The following TRPM7 variants were observed in gnomAD, a reference collection of about 807,000 sequenced individuals.
TRPM7 encodes LTRPC ion channel family member 7.
TRPM7 carries 134 observed loss-of-function variants against 229.7 expected under a neutral mutation model. The ratio of observed to expected loss-of-function variants is 0.58; its 90% CI spans 0.51 to 0.67. TRPM7 has a LOEUF of 0.67. Ranked by LOEUF, TRPM7 falls within the 30% of genes least tolerant of loss-of-function variation. The pLI is 0.00. For synonymous variants in TRPM7, 699 were observed against 715.2 expected (o/e 0.98, Z 0.36); for missense variants, 1,901 against 2,210.0 (o/e 0.86, Z 2.80).
At chr15:50,645,294 G>A (rs1006908840) in intron 4 of TRPM7, among the ~76,000 whole-genome samples, 3 of 151,792 alleles carry the variant, frequency 2.0e-5, no homozygotes, top group African/African-American at 2.4e-5. Flanking sequence ...TGCCTGCCTC[G>A]GCCTCCCAAA....
At chr15:50,580,010 G>A (rs921089485) in intron 30 of TRPM7, among the ~76,000 whole-genome samples, 2 of 152,276 alleles carry the variant, frequency 1.3e-5, no homozygotes, top group East Asian at 3.9e-4. Flanking sequence ...CTGGGCTCAA[G>A]CGATCCACCC....
At chr15:50,635,387 AAAG>A (rs1053136406) in intron 7 of TRPM7, among the ~76,000 whole-genome samples, 2 of 149,942 alleles carry the variant, frequency 1.3e-5, no homozygotes, top group Non-Finnish European at 3.0e-5. Context: ...AAAAAAGAAA[AAAG>A]AAATGGCTCA....
chr15:50,666,884 A>T (rs1411604836), intron 1 of TRPM7, among the ~76,000 whole-genome samples: 1 of 152,232 alleles, frequency 6.6e-6, no homozygotes, highest in Admixed American at 6.6e-5. Context: ...AAGATAAAGA[A>T]GAAAATAACA....
Position 50,607,292 on chromosome 15 carries a change from C to T in TRPM7, c.2617G>A (p.Val873Met), listed in dbSNP as rs755181146. The T allele has an allele frequency of 6.2e-6, 10 of 1,604,422 alleles. No homozygotes were observed. In the East Asian group the frequency reaches 2.0e-4, roughly 32 times the overall value. ...AACTGTTCCATTTGTACAAGAACCA[C>T]AAATGTATAAAGCATCAGAAATCCT... is the stretch of plus-strand genomic sequence containing the variant. Reference protein sequence around the residue: ...YLGFLMLYTFVVLVQMEQLPS... With the variant: ...YLGFLMLYTFMVLVQMEQLPS... The change falls in exon 20 of 39, where the codon GTG becomes ATG. Residue 873 changes from valine to methionine, a missense_variant. Physicochemically the swap from Val to Met is conservative, Grantham distance 21 (BLOSUM62 1). Around this residue, in one of 8 missense-constraint regions of TRPM7, gnomAD observed 207 missense variants for 241.5 expected, o/e 0.86. Coordinates refer to ENST00000646667, the MANE Select transcript of TRPM7 (RefSeq NM_017672.6).
chr15:50,647,291 C>G (rs187075187), intron 4 of TRPM7, among the ~76,000 whole-genome samples: 1 of 152,020 alleles, frequency 6.6e-6, no homozygotes, highest in Non-Finnish European at 1.5e-5. Context: ...CCACCACGCC[C>G]GACTAATTTT....
chr15:50,674,877 T>C (rs937611858), intron 1 of TRPM7, among the ~76,000 whole-genome samples: 6 of 152,298 alleles, frequency 3.9e-5, no homozygotes, highest in African/African-American at 1.2e-4. Flanking sequence ...CATCCCATAG[T>C]TTTGGGTTTT....
chr15:50,639,635 C>G (rs551878669), intron 5 of TRPM7, 87 bp from the exon 6 acceptor site: 1 of 1,184,300 alleles, frequency 8.4e-7, no homozygotes, highest in South Asian at 1.6e-5. Flanking sequence ...GGCGCAATGA[C>G]AGCTCACTGC....
At chr15:50,577,084 C>A (rs1162437004) in intron 31 of TRPM7, among the ~76,000 whole-genome samples, 2 of 151,638 alleles carry the variant, frequency 1.3e-5, no homozygotes, top group African/African-American at 2.4e-5. Context: ...TGCACTCCAA[C>A]CTGGTGACAG....
At chr15:50,565,366 T>A (rs1433325027) in intron 38 of TRPM7, among the ~76,000 whole-genome samples, 1 of 152,104 alleles carries the variant, frequency 6.6e-6, no homozygotes, top group Non-Finnish European at 1.5e-5. Flanking sequence ...TAATTATATA[T>A]AGATGTGTGT....
intron 1 of TRPM7, among the ~76,000 whole-genome samples, chr15:50,683,747 C>CA (rs1277437830): frequency 8.6e-5 from 13 of 151,634 alleles, no homozygotes; most frequent in African/African-American, 2.4e-4. Flanking sequence ...ACAACAACAA[C>CA]AAAAAAAACA....
At chr15:50,563,393 ACAT>A (rs2053419307) in intron 38 of TRPM7, among the ~76,000 whole-genome samples, 1 of 152,250 alleles carries the variant, frequency 6.6e-6, no homozygotes. Flanking sequence ...CAAGAGAGGA[ACAT>A]CATCAGATTT....
At chr15:50,617,179 T>TAAATAAATAAAA (rs1187220791) in intron 13 of TRPM7, among the ~76,000 whole-genome samples, 5 of 133,142 alleles carry the variant, frequency 3.8e-5, no homozygotes. Context: ...AATAAATAAA[T>TAAATAAATAAAA]AAAATAAATT....
At chr15:50,617,183 A>T (rs1054417963) in intron 13 of TRPM7, among the ~76,000 whole-genome samples, 14 of 147,708 alleles carry the variant, frequency 9.5e-5, no homozygotes, top group South Asian at 2.2e-4. Flanking sequence ...AATAAATAAA[A>T]TAAATTAGCC....
intron 3 of TRPM7, among the ~76,000 whole-genome samples, chr15:50,653,916 G>A (rs1336604255): frequency 3.9e-5 from 6 of 152,042 alleles, no homozygotes; most frequent in East Asian, 1.9e-4. Context: ...TTAGTTCAGC[G>A]TGAAAAGACA....
At chr15:50,615,100 T>C (rs1042990959) in intron 13 of TRPM7, among the ~76,000 whole-genome samples, 1 of 146,088 alleles carries the variant, frequency 6.8e-6, no homozygotes, top group Non-Finnish European at 1.5e-5. Flanking sequence ...GAGGCAGAGG[T>C]TGCAGTGAGC....
Position 50,612,750 on chromosome 15 carries a change from C to T in TRPM7, c.1850G>A (p.Arg617His), listed in dbSNP as rs544675219. 6 of 1,614,110 alleles carry T rather than the reference C, an allele frequency of 3.7e-6. No individual in the cohort carries two copies. The highest frequency in any genetic ancestry group is 2.7e-5 in the African/African-American group (2 of 75,034). ...IVDIDDPETK[R>H]FPYPLNELLI... is the part of the protein sequence containing the mutation. ...AAGTTCATTAAGTGGATAAGGAAAG[C>T]GCTTGGTTTCTGGATCATCAATGTC... Residue 617 changes from arginine to histidine, a missense_variant, in exon 16 of 39, where the codon CGC becomes CAC. Physicochemically the swap from Arg to His is conservative, Grantham distance 29. Around this residue, in one of 8 missense-constraint regions of TRPM7, gnomAD observed 794 missense variants for 881.9 expected, o/e 0.90. Transcript: ENST00000646667.
Position 50,601,176 on chromosome 15 carries a change from T to C in TRPM7, c.2989-1880A>G, listed in dbSNP as rs140469812. On this transcript the variant is annotated intron_variant, in intron 21 of 38. Transcript: ENST00000646667. Reference sequence around the variant, plus strand: ...ATTCCAAATGAAACGCAAATCTGTATTGACGTAAACTAAAATTATTCAAGG... The same window carrying C: ...ATTCCAAATGAAACGCAAATCTGTACTGACGTAAACTAAAATTATTCAAGG... 2.9e-4 allele frequency among the ~76,000 whole-genome samples: 44 copies of C among 152,348 alleles called. No homozygotes were observed. The East Asian group carries it at 3.1e-3, about 11-fold the overall frequency.
rs2053238946 is a variant in TRPM7, at chr15:50,559,724, T to G, written c.*1954A>C. The G allele has an allele frequency of 6.6e-6, 1 of 152,158 alleles. No homozygotes were observed. The allele number at this position is 152,158 out of a possible 1,614,324, so 9.4% of individuals were successfully genotyped here. On this transcript the variant is annotated 3_prime_UTR_variant, in exon 39 of 39. Transcript: ENST00000646667. Reference sequence around the variant, plus strand: ...TAAGGATTAAGTAGGTTAATATATGTGAAATACTTAGAGTAATGTCTGGTA... The same window carrying G: ...TAAGGATTAAGTAGGTTAATATATGGGAAATACTTAGAGTAATGTCTGGTA...
intron 38 of TRPM7, among the ~76,000 whole-genome samples, chr15:50,566,490 G>A (rs1197357786): frequency 6.6e-6 from 1 of 152,096 alleles, no homozygotes; most frequent in Non-Finnish European, 1.5e-5. Context: ...GAGGTCAAGA[G>A]ATCAAGACAA....
Sources: gnomAD v4.1 joint callset for allele counts (sites outside exome capture counted in the v4.1 genomes callset) on GRCh38, gnomAD v4.1.1 for gene constraint, gnomAD v4.1.1 regional missense constraint, MANE v1.5 for transcripts, NCBI Gene and HGNC (gene_info 2026-07-23, HGNC 2026-07-21) for gene names.